The following PCDHGA12 variants were observed in gnomAD, a reference collection of about 807,000 sequenced individuals.
The protein encoded by PCDHGA12 is protocadherin gamma-A12.
In PCDHGA12, 43 loss-of-function variants were observed where a neutral mutation model predicts 61.1. That is an observed-to-expected ratio of 0.70 (90% CI 0.55 to 0.91). The LOEUF is 0.91. Ranked by LOEUF, PCDHGA12 falls within the 40% of genes least tolerant of loss-of-function variation. The pLI, the probability that PCDHGA12 is intolerant of heterozygous loss-of-function variation, is 0.00. For synonymous variants in PCDHGA12, 520 were observed against 542.9 expected (o/e 0.96, Z 0.59); for missense variants, 1,236 against 1,227.7 (o/e 1.01, Z -0.10).
In PCDHGA12 at chr5:141,431,985, T is replaced by A. The variant is rs1354693325; in HGVS notation, c.1226T>A (p.Val409Asp). 1 of 1,614,202 alleles carries A rather than the reference T, an allele frequency of 6.2e-7. No homozygotes were observed. The highest frequency in any genetic ancestry group is 1.7e-5 in the Admixed American group (1 of 60,030). ...TACTATAGTTTAGTCACAGACATAG[T>A]CTTGGATAGGGAACAGGTTCCTAGC... ...GNYYSLVTDIVLDREQVPSYN... is the reference protein window; with the variant it reads ...GNYYSLVTDIDLDREQVPSYN... The change falls in exon 1 of 4, where the codon GTC becomes GAC. Residue 409 changes from valine to aspartate, a missense_variant. Coordinates refer to ENST00000252085, the MANE Select transcript of PCDHGA12 (RefSeq NM_003735.3). This position sits in a 1 kb window ranked among gnomAD's most constrained non-coding sequence, Gnocchi z 4.8.
In PCDHGA12 at chr5:141,476,707, G is replaced by A. The variant is rs1309848893; in HGVS notation, c.2425-18100G>A. 6.2e-7 allele frequency: 1 copy of A among 1,614,206 alleles called. No individual in the cohort carries two copies. The highest frequency in any genetic ancestry group is 1.7e-5 in the Admixed American group (1 of 60,032). On this transcript the variant is annotated intron_variant, in intron 1 of 3. Coordinates refer to ENST00000252085, the MANE Select transcript of PCDHGA12 (RefSeq NM_003735.3). This position sits in a 1 kb window ranked among gnomAD's most constrained non-coding sequence, Gnocchi z 7.6. ...ACAGCACCAAGTACGCGGAGCTGGT[G>A]TTGGAGCGCGCCCTGGACCGAGAAC...
At chr5:141,456,342 G>A (rs1439003615) in intron 1 of PCDHGA12, among the ~76,000 whole-genome samples, 1 of 152,114 alleles carries the variant, frequency 6.6e-6, no homozygotes, top group African/African-American at 2.4e-5. Context: ...AAGGGTCCTC[G>A]GAAGAATGGC....
chr5:141,450,258 T>A (rs1267755848), intron 1 of PCDHGA12, among the ~76,000 whole-genome samples: 1 of 152,096 alleles, frequency 6.6e-6, no homozygotes, highest in Non-Finnish European at 1.5e-5. Context: ...CCTCAAGTGA[T>A]CTGCCCACCT....
chr5:141,481,871 G>A (rs372191396), intron 1 of PCDHGA12, among the ~76,000 whole-genome samples: 73 of 144,864 alleles, frequency 5.0e-4, no homozygotes, highest in Non-Finnish European at 9.7e-4. Context: ...CCGAGATCGC[G>A]CCACTGCACT....
At chr5:141,507,831 T>C (rs2099864030) in intron 3 of PCDHGA12, among the ~76,000 whole-genome samples, 1 of 152,134 alleles carries the variant, frequency 6.6e-6, no homozygotes, top group African/African-American at 2.4e-5. Context: ...GTGGAGGTGG[T>C]GGGTCAGGCC....
In PCDHGA12 at chr5:141,485,275, G is replaced by C. The variant is rs77402299; in HGVS notation, c.2425-9532G>C. ...ACGTTTGTGGGCAGATCCGCTACCC[G>C]GTCCCAGAGGAGTCACAGGAAGGGA... On this transcript the variant is annotated intron_variant, in intron 1 of 3. Transcript: ENST00000252085. The surrounding 1 kb of genome is among the most constrained non-coding windows in gnomAD (Gnocchi z 5.7). The C allele has an allele frequency of 2.5e-6, 4 of 1,614,072 alleles. No individual in the cohort carries two copies. Among genetic ancestry groups the C allele is most frequent in the Admixed American group, 1.7e-5 (1 of 60,024 alleles).
chr5:141,509,663 G>A (rs933532930), intron 3 of PCDHGA12, among the ~76,000 whole-genome samples: 1 of 152,140 alleles, frequency 6.6e-6, no homozygotes, highest in Non-Finnish European at 1.5e-5. Context: ...ACTTCTCTGG[G>A]CCCCAGTTTC....
chr5:141,511,374 CA>C lies in PCDHGA12; in HGVS notation c.*202del. ...CCCCAGGGGGTTGAATATGCAAAAG[CA>C]GTTCCGCTGGGAACCCCCATCCAAT... On this transcript the variant is annotated 3_prime_UTR_variant, in exon 4 of 4. Coordinates refer to ENST00000252085, the MANE Select transcript of PCDHGA12 (RefSeq NM_003735.3). The C allele has an allele frequency of 8.0e-7, 1 of 1,242,392 alleles. No individual in the cohort carries two copies. 77.0% of individuals were successfully genotyped at this position (1,242,392 alleles called of 1,614,324 possible).
At chr5:141,448,921 G>A (rs1323304761) in intron 1 of PCDHGA12, among the ~76,000 whole-genome samples, 3 of 152,120 alleles carry the variant, frequency 2.0e-5, no homozygotes, top group Admixed American at 1.3e-4. Flanking sequence ...CTCCAGCCTG[G>A]GCGACAGAGC....
rs1433315739 is a variant in PCDHGA12, at chr5:141,433,202, T to C, written c.2424+19T>C. The C allele has an allele frequency of 1.3e-6, 2 of 1,578,202 alleles. No homozygotes were observed. The highest frequency in any genetic ancestry group is 1.7e-6 in the Non-Finnish European group (2 of 1,165,770). ...AATTGAGGTGAGTTTATATCAAATC[T>C]TCTTTCTTTTTTTTTTTTAATTGCT... is the stretch of plus-strand genomic sequence containing the variant. On this transcript the variant is annotated intron_variant, in intron 1 of 3. Coordinates refer to ENST00000252085, the MANE Select transcript of PCDHGA12 (RefSeq NM_003735.3).
intron 1 of PCDHGA12, among the ~76,000 whole-genome samples, chr5:141,451,717 A>G (rs2098722445): frequency 6.6e-6 from 1 of 152,166 alleles, no homozygotes; most frequent in Non-Finnish European, 1.5e-5. Context: ...CCCTGCCTCT[A>G]CTAAAAATAC....
Position 141,485,716 on chromosome 5 carries a change from T to C in PCDHGA12, c.2425-9091T>C. Reference sequence around the variant, plus strand: ...GCTCCAATGAACACTTTGCACTGGATGTGAAGAAGCGCAGCGACGGCAGCC... The same window carrying C: ...GCTCCAATGAACACTTTGCACTGGACGTGAAGAAGCGCAGCGACGGCAGCC... On this transcript the variant is annotated intron_variant, in intron 1 of 3. Coordinates refer to ENST00000252085, the MANE Select transcript of PCDHGA12 (RefSeq NM_003735.3). The surrounding 1 kb of genome is among the most constrained non-coding windows in gnomAD (Gnocchi z 5.7). The C allele has an allele frequency of 6.2e-7, 1 of 1,614,044 alleles. No individual in the cohort carries two copies. Among genetic ancestry groups the C allele is most frequent in the Non-Finnish European group, 8.5e-7 (1 of 1,180,002 alleles).
chr5:141,477,059 A>T lies in PCDHGA12; in HGVS notation c.2425-17748A>T. The T allele has an allele frequency of 6.2e-7, 1 of 1,614,238 alleles. No homozygotes were observed. Among genetic ancestry groups the T allele is most frequent in the Non-Finnish European group, 8.5e-7 (1 of 1,180,036 alleles). ...CAAGGGTCGGCTGGACTTCGAGGAC[A>T]CCAAACTCCATGAGATTTACATCCA... On this transcript the variant is annotated intron_variant, in intron 1 of 3. Transcript: ENST00000252085. The surrounding 1 kb of genome is among the most constrained non-coding windows in gnomAD (Gnocchi z 4.9).
intron 2 of PCDHGA12, among the ~76,000 whole-genome samples, chr5:141,495,644 A>G (rs767670166): frequency 5.3e-5 from 8 of 151,770 alleles, no homozygotes; most frequent in Non-Finnish European, 1.0e-4. Context: ...TCATTTGTCT[A>G]CTTGCATTGA....
At chr5:141,434,070 T>C (rs1004240895) in intron 1 of PCDHGA12, among the ~76,000 whole-genome samples, 3 of 152,226 alleles carry the variant, frequency 2.0e-5, no homozygotes, top group Non-Finnish European at 2.9e-5. Context: ...TCTGTTAATA[T>C]CAATTATTTA....
intron 2 of PCDHGA12, among the ~76,000 whole-genome samples, chr5:141,505,069 G>A (rs2099843308): frequency 2.0e-5 from 3 of 152,340 alleles, no homozygotes; most frequent in East Asian, 1.9e-4. Flanking sequence ...GACTGAGGCA[G>A]GAGAATCGCT....
chr5:141,459,284 A>C (rs2098965103), intron 1 of PCDHGA12, among the ~76,000 whole-genome samples: 1 of 152,174 alleles, frequency 6.6e-6, no homozygotes, highest in African/African-American at 2.4e-5. Flanking sequence ...ATTTCATCTA[A>C]ATGGAATCCT....
At chr5:141,503,598 C>CAAA (rs765754054) in intron 2 of PCDHGA12, among the ~76,000 whole-genome samples, 1 of 65,748 alleles carries the variant, frequency 1.5e-5, no homozygotes. Context: ...GACTCCAGCT[C>CAAA]AAAAAAAAAA....
chr5:141,475,008 T>C (rs1292437400), intron 1 of PCDHGA12, among the ~76,000 whole-genome samples: 1 of 152,258 alleles, frequency 6.6e-6, no homozygotes, highest in Admixed American at 6.5e-5. Flanking sequence ...TGCAGAAAAG[T>C]TAAGGCTCTT....
Sources: allele counts gnomAD v4.1 joint callset (sites outside exome capture counted in the v4.1 genomes callset), GRCh38; gene constraint gnomAD v4.1.1; non-coding constraint Gnocchi (gnomAD v3.1); transcripts MANE v1.5; gene names NCBI Gene and HGNC (gene_info 2026-07-23, HGNC 2026-07-21).